Variants in MDFIC2 observed in about 807,000 individuals in gnomAD.
MDFIC2 encodes MyoD family inhibitor domain containing 2.
intron 2 of MDFIC2, among the ~76,000 whole-genome samples, chr3:70,300,006 C>T (rs1702331922): frequency 6.6e-6 from 1 of 152,066 alleles, no homozygotes. Flanking sequence ...ATACCTTGGG[C>T]CATCATATTC....
At chr3:70,265,059 A>G (rs1257549373) in intron 2 of MDFIC2, among the ~76,000 whole-genome samples, 1 of 152,174 alleles carries the variant, frequency 6.6e-6, no homozygotes, top group Admixed American at 6.5e-5. Flanking sequence ...ATTCACTATC[A>G]CAAGAACAGC....
At chr3:70,220,060 A>T (rs1701448564) in intron 2 of MDFIC2, among the ~76,000 whole-genome samples, 1 of 152,166 alleles carries the variant, frequency 6.6e-6, no homozygotes, top group African/African-American at 2.4e-5. Context: ...GTACCCAGGC[A>T]AGGAAAACTA....
chr3:70,302,123 T>C (rs966297101), intron 2 of MDFIC2, among the ~76,000 whole-genome samples: 14 of 152,288 alleles, frequency 9.2e-5, no homozygotes, highest in African/African-American at 3.4e-4. Flanking sequence ...GCAAAACTAC[T>C]GTCATTGCCC....
At chr3:70,294,656 A>C (rs921155141) in intron 2 of MDFIC2, among the ~76,000 whole-genome samples, 14 of 152,174 alleles carry the variant, frequency 9.2e-5, no homozygotes, top group Admixed American at 4.6e-4. Context: ...AGGCTCAAAA[A>C]ATAAAGTAAT....
At chr3:70,274,767 A>C (rs1033593322) in intron 2 of MDFIC2, among the ~76,000 whole-genome samples, 1 of 152,200 alleles carries the variant, frequency 6.6e-6, no homozygotes, top group Non-Finnish European at 1.5e-5. Flanking sequence ...AACAAATATA[A>C]AAATATTTTA....
chr3:70,238,517 G>A (rs1202325595), intron 2 of MDFIC2, among the ~76,000 whole-genome samples: 1 of 151,952 alleles, frequency 6.6e-6, no homozygotes, highest in Non-Finnish European at 1.5e-5. Context: ...GAAAGCAGAT[G>A]TAGGAGATCT....
At chr3:70,304,755 T>C (rs1184449366) in intron 2 of MDFIC2, among the ~76,000 whole-genome samples, 3 of 152,196 alleles carry the variant, frequency 2.0e-5, no homozygotes, top group Non-Finnish European at 1.5e-5. Flanking sequence ...GCAATATAAA[T>C]GACTGCATAT....
At chr3:70,228,426 A>G (rs1701528337) in intron 2 of MDFIC2, among the ~76,000 whole-genome samples, 1 of 150,664 alleles carries the variant, frequency 6.6e-6, no homozygotes, top group African/African-American at 2.4e-5. Context: ...TAGGCTGCCA[A>G]AAAAAAAATA....
intron 2 of MDFIC2, among the ~76,000 whole-genome samples, chr3:70,252,889 G>A (rs1280017093): frequency 6.6e-6 from 1 of 151,922 alleles, no homozygotes; most frequent in Admixed American, 6.6e-5. Context: ...AGACCAGCGT[G>A]GCCAACATCG....
chr3:70,269,038 A>G (rs1701950624), intron 2 of MDFIC2, among the ~76,000 whole-genome samples: 1 of 152,146 alleles, frequency 6.6e-6, no homozygotes, highest in African/African-American at 2.4e-5. Context: ...CTATTGTGAT[A>G]GGATATATTA....
intron 2 of MDFIC2, among the ~76,000 whole-genome samples, chr3:70,307,459 T>G (rs1053793225): frequency 6.6e-6 from 1 of 152,178 alleles, no homozygotes; most frequent in Non-Finnish European, 1.5e-5. Context: ...AGAATGCTCC[T>G]TGGCTTAATG....
chr3:70,208,088 C>A (rs543872363), intron 2 of MDFIC2, among the ~76,000 whole-genome samples: 1 of 152,074 alleles, frequency 6.6e-6, no homozygotes, highest in Admixed American at 6.6e-5. Context: ...AGAGAGAGGA[C>A]CAGACTGGGT....
chr3:70,295,830 C>T (rs1466670555), intron 2 of MDFIC2, among the ~76,000 whole-genome samples: 2 of 152,068 alleles, frequency 1.3e-5, no homozygotes, highest in Non-Finnish European at 2.9e-5. Flanking sequence ...ATTATAATAC[C>T]TTATTTTTTA....
rs1348415333 is a variant in MDFIC2 at position 70,194,924 on chromosome 3, G to T, written c.*2002C>A. 6.6e-6 allele frequency among the ~76,000 whole-genome samples: 1 copy of T among 152,122 alleles called. No homozygotes were observed. The highest frequency in any genetic ancestry group is 1.5e-5 in the Non-Finnish European group (1 of 68,024). The stretch of plus-strand genomic sequence containing the variant: ...CTCAGAGAGGAGCCAAGAGGGATGG[G>T]ACATAAGGAAGCACTAGGAGGTGCA... On this transcript the variant is annotated 3_prime_UTR_variant, in exon 4 of 4. Transcript: ENST00000567252.
intron 2 of MDFIC2, among the ~76,000 whole-genome samples, chr3:70,242,511 C>T (rs1701673906): frequency 6.6e-6 from 1 of 152,140 alleles, no homozygotes; most frequent in African/African-American, 2.4e-5. Context: ...AAGTTGTTTC[C>T]TGTTGTTCTT....
At chr3:70,230,891 C>T (rs977702302) in intron 2 of MDFIC2, among the ~76,000 whole-genome samples, 6 of 152,158 alleles carry the variant, frequency 3.9e-5, no homozygotes, top group African/African-American at 1.2e-4. Flanking sequence ...TCTTAACAAA[C>T]CCAGCTCTGT....
chr3:70,259,989 C>T (rs1014579714), intron 2 of MDFIC2, among the ~76,000 whole-genome samples: 2 of 152,054 alleles, frequency 1.3e-5, no homozygotes, highest in South Asian at 2.1e-4. Flanking sequence ...CTCACTATCA[C>T]GAGAACAGCG....
chr3:70,291,700 C>G (rs1372597211), intron 2 of MDFIC2: 1 of 152,206 alleles, frequency 6.6e-6, no homozygotes, highest in African/African-American at 2.4e-5. Flanking sequence ...CTCTTCAACA[C>G]AAAACTCCTG....
chr3:70,297,406 C>G (rs1702301324), intron 2 of MDFIC2, among the ~76,000 whole-genome samples: 1 of 151,954 alleles, frequency 6.6e-6, no homozygotes, highest in South Asian at 2.1e-4. Flanking sequence ...TTGAGCCACT[C>G]AAAGGTTGTA....
Sources: gnomAD v4.1 joint callset for allele counts (sites outside exome capture counted in the v4.1 genomes callset) on GRCh38, gnomAD v4.1.1 for gene constraint, MANE v1.5 for transcripts, NCBI Gene and HGNC (gene_info 2026-07-23, HGNC 2026-07-21) for gene names.